RANBP17: variants seen among roughly 807,000 people sequenced by gnomAD.
RANBP17 encodes ran-binding protein 17.
A neutral mutation model predicts 141.2 loss-of-function variants in RANBP17; 158 were observed. The ratio of observed to expected loss-of-function variants is 1.12; its 90% CI spans 0.98 to 1.28. RANBP17 has a LOEUF of 1.28. Ranked by LOEUF, RANBP17 falls within the 50% of genes most tolerant of loss-of-function variation. The pLI, the probability that RANBP17 is intolerant of heterozygous loss-of-function variation, is 0.00. For missense variants in RANBP17, 1,438 were observed against 1,290.7 expected (o/e 1.11, Z -1.75); for synonymous variants, 430 against 450.0 (o/e 0.96, Z 0.56).
rs1581341151 is a variant in RANBP17, at chr5:170,993,710, A to G, written c.1710+25333A>G. Among the ~76,000 whole-genome samples, 3 of 152,108 alleles carry G rather than the reference A, an allele frequency of 2.0e-5. No individual in the cohort carries two copies. In the South Asian group the frequency reaches 6.2e-4, roughly 32 times the overall value. ...TGTTGTAATGATGATGATAATGATG[A>G]CCATTGCATGGCTGTCACTTTTCTG... On this transcript the variant is annotated intron_variant, in intron 14 of 27. Transcript: ENST00000523189.
chr5:171,042,834 C>G (rs557244735), intron 14 of RANBP17, among the ~76,000 whole-genome samples: 1 of 152,190 alleles, frequency 6.6e-6, no homozygotes, highest in African/African-American at 2.4e-5. Context: ...GGCTCCTACT[C>G]TTAAATTTGT....
intron 16 of RANBP17, among the ~76,000 whole-genome samples, chr5:171,178,848 G>A (rs562900239): frequency 1.8e-4 from 28 of 152,144 alleles, no homozygotes; most frequent in African/African-American, 5.5e-4. Context: ...CCTATCCGTC[G>A]CCCACTTTTT....
At chr5:171,230,949 T>G (rs371625259) in intron 22 of RANBP17, among the ~76,000 whole-genome samples, 7 of 151,994 alleles carry the variant, frequency 4.6e-5, no homozygotes, top group South Asian at 4.2e-4. Flanking sequence ...GTTTTGTTTT[T>G]TTGTTGAGAC....
In RANBP17 at chr5:171,020,478, A is replaced by T. The variant is rs184252751; in HGVS notation, c.1710+52101A>T. ...GTTTGGATGCATATATGTTTAGAATAGTTAGCTCTTCTTGTTGAATTGTTC... is the reference window on the plus strand; with the variant it reads ...GTTTGGATGCATATATGTTTAGAATTGTTAGCTCTTCTTGTTGAATTGTTC... On this transcript the variant is annotated intron_variant, in intron 14 of 27. Transcript: ENST00000523189. 5.3e-5 allele frequency among the ~76,000 whole-genome samples: 8 copies of T among 152,262 alleles called. No homozygotes were observed. The East Asian group carries it at 1.5e-3, about 29-fold the overall frequency.
intron 14 of RANBP17, chr5:171,143,426 G>A (rs1173181573): frequency 6.6e-6 from 1 of 152,150 alleles, no homozygotes; most frequent in Non-Finnish European, 1.5e-5. Context: ...ACTTTAAAGT[G>A]CTTACTTTCT....
intron 14 of RANBP17, among the ~76,000 whole-genome samples, chr5:171,006,202 T>C (rs549788386): frequency 1.6e-4 from 24 of 152,182 alleles, no homozygotes; most frequent in Non-Finnish European, 2.9e-4. Context: ...TCCTTCGGGA[T>C]CTAGAACTAG....
At chr5:170,875,048 G>A (rs1768067173) in intron 1 of RANBP17, among the ~76,000 whole-genome samples, 1 of 152,076 alleles carries the variant, frequency 6.6e-6, no homozygotes, top group Non-Finnish European at 1.5e-5. Flanking sequence ...CTCAGCATTT[G>A]CTTGTCTGAA....
chr5:171,129,461 A>G lies in RANBP17; in HGVS notation c.1711-40669A>G, dbSNP rs139931316. On this transcript the variant is annotated intron_variant, in intron 14 of 27. Coordinates refer to ENST00000523189, the MANE Select transcript of RANBP17 (RefSeq NM_022897.5). ...ACCCCGTGACCCAACCCATCCCTGT[A>G]TTGCCACCACTCGCTTCAATCTGGC... Among the ~76,000 whole-genome samples the G allele has an allele frequency of 2.4e-3, 367 of 152,170 alleles. 3 individuals are homozygous for G. Among genetic ancestry groups the G allele is most frequent in the Non-Finnish European group, 4.6e-3 (315 of 67,978 alleles).
intron 22 of RANBP17, among the ~76,000 whole-genome samples, chr5:171,238,740 G>T (rs1468551343): frequency 6.6e-6 from 1 of 151,460 alleles, no homozygotes; most frequent in Non-Finnish European, 1.5e-5. Context: ...GAAGTACCTG[G>T]CTTTCTTAGA....
intron 12 of RANBP17, among the ~76,000 whole-genome samples, chr5:170,932,725 A>G (rs866429278): frequency 3.3e-5 from 5 of 152,194 alleles, no homozygotes; most frequent in Middle Eastern, 6.8e-3. Context: ...TGATTTGCAT[A>G]TGTTGAACCA....
At chr5:171,096,781 T>C (rs577645692) in intron 14 of RANBP17, among the ~76,000 whole-genome samples, 79 of 152,274 alleles carry the variant, frequency 5.2e-4, no homozygotes, top group Non-Finnish European at 1.0e-3. Context: ...AGCTGGTTCT[T>C]ATTAACTTTT....
intron 18 of RANBP17, among the ~76,000 whole-genome samples, chr5:171,194,949 A>G (rs565881510): frequency 6.6e-6 from 1 of 152,372 alleles, no homozygotes; most frequent in African/African-American, 2.4e-5. Flanking sequence ...ATGTCTCTGA[A>G]GGAAAAAAAA....
chr5:170,911,372 T>C (rs1287503019), intron 7 of RANBP17: 3 of 576,558 alleles, frequency 5.2e-6, no homozygotes, highest in East Asian at 2.9e-5. Context: ...TAGAGCTAAA[T>C]GGAGAGCAGA....
intron 16 of RANBP17, among the ~76,000 whole-genome samples, chr5:171,180,701 ACT>A (rs898498651): frequency 6.6e-6 from 1 of 151,996 alleles, no homozygotes; most frequent in Non-Finnish European, 1.5e-5. Context: ...ATTCAGATGA[ACT>A]CTCATTTTTT....
intron 14 of RANBP17, among the ~76,000 whole-genome samples, chr5:171,070,619 G>A (rs539472102): frequency 6.6e-6 from 1 of 152,150 alleles, no homozygotes; most frequent in South Asian, 2.1e-4. Context: ...TTCAAAAGCA[G>A]GTCAATGTTA....
chr5:170,955,617 G>GTATATA (rs35979849), intron 13 of RANBP17, among the ~76,000 whole-genome samples: 2 of 36,920 alleles, frequency 5.4e-5, no homozygotes, highest in African/African-American at 2.1e-4. Context: ...TATGCTCAGT[G>GTATATA]TATATATATA....
intron 18 of RANBP17, among the ~76,000 whole-genome samples, chr5:171,194,022 C>T (rs1231074485): frequency 6.6e-6 from 1 of 152,148 alleles, no homozygotes; most frequent in Non-Finnish European, 1.5e-5. Flanking sequence ...TAACTGTTGG[C>T]TACCATCATT....
chr5:171,045,510 T>C (rs1281261249), intron 14 of RANBP17, among the ~76,000 whole-genome samples: 2 of 152,172 alleles, frequency 1.3e-5, no homozygotes, highest in Non-Finnish European at 1.5e-5. Flanking sequence ...TAATAATGTA[T>C]TGTGGATGTC....
chr5:171,016,000 C>T (rs1169484873), intron 14 of RANBP17, among the ~76,000 whole-genome samples: 1 of 152,076 alleles, frequency 6.6e-6, no homozygotes, highest in Non-Finnish European at 1.5e-5. Flanking sequence ...CATCTCTAGA[C>T]TTCTCATTGG....
Sources: gnomAD v4.1 joint callset for allele counts (sites outside exome capture counted in the v4.1 genomes callset) on GRCh38, gnomAD v4.1.1 for gene constraint, MANE v1.5 for transcripts, NCBI Gene and HGNC (gene_info 2026-07-23, HGNC 2026-07-21) for gene names.